The following BLOC1S5 variants were observed in gnomAD, a reference collection of about 807,000 sequenced individuals.
BLOC1S5 encodes the protein biogenesis of lysosome-related organelles complex 1 subunit 5.
In BLOC1S5, 27 loss-of-function variants were observed where a neutral mutation model predicts 24.3. That is an observed-to-expected ratio of 1.11 (90% CI 0.82 to 1.53). The LOEUF (loss-of-function observed/expected upper bound fraction) is 1.53. Among genes scored for constraint, BLOC1S5 ranks in the 40% most tolerant of loss-of-function variants. BLOC1S5 has a pLI of 0.00. For missense variants in BLOC1S5, 239 were observed against 229.4 expected, an observed-to-expected ratio of 1.04 and a Z score of -0.27; for synonymous variants, 84 against 74.5, an observed-to-expected ratio of 1.13 and a Z score of -0.66.
At chr6:8,060,355 G>A (rs529071253) in intron 2 of BLOC1S5, among the ~76,000 whole-genome samples, 456 of 152,340 alleles carry the variant, frequency 3.0e-3, no homozygotes, top group Non-Finnish European at 4.8e-3. Flanking sequence ...TGAAAGACAA[G>A]TAGAGGTCAG....
intron 3 of BLOC1S5, among the ~76,000 whole-genome samples, chr6:8,040,285 G>T (rs1003777848): frequency 6.6e-6 from 1 of 151,944 alleles, no homozygotes; most frequent in South Asian, 2.1e-4. Context: ...ACTGGGTTAT[G>T]ATTAAAAAAA....
At chr6:8,056,495 T>C (rs1044683145) in intron 2 of BLOC1S5, among the ~76,000 whole-genome samples, 45 of 152,172 alleles carry the variant, frequency 3.0e-4, no homozygotes, top group Non-Finnish European at 4.7e-4. Context: ...CATAAAACTA[T>C]GCCCCCGCCA....
intron 1 of BLOC1S5, among the ~76,000 whole-genome samples, chr6:8,063,903 C>G (rs1399309971): frequency 6.6e-6 from 1 of 152,224 alleles, no homozygotes; most frequent in Non-Finnish European, 1.5e-5. Context: ...CGAAGTCACT[C>G]AACTCCTAAG....
At chr6:8,056,470 G>C (rs1764309906) in intron 2 of BLOC1S5, among the ~76,000 whole-genome samples, 1 of 151,918 alleles carries the variant, frequency 6.6e-6, no homozygotes, top group African/African-American at 2.4e-5. Context: ...TATTCAAGGG[G>C]GAAAAAAAAC....
At chr6:8,056,369 A>C (rs1314630667) in intron 2 of BLOC1S5, among the ~76,000 whole-genome samples, 2 of 152,114 alleles carry the variant, frequency 1.3e-5, no homozygotes, top group Admixed American at 1.3e-4. Context: ...GCTGTTGGTG[A>C]CTTGGCCATT....
intron 4 of BLOC1S5, among the ~76,000 whole-genome samples, chr6:8,020,580 T>A (rs1762884678): frequency 6.6e-6 from 1 of 152,318 alleles, no homozygotes; most frequent in South Asian, 2.1e-4. Flanking sequence ...GTCACTCAAC[T>A]TCATTTGCTG....
At chr6:8,045,989 C>T (rs987105278) in intron 2 of BLOC1S5, among the ~76,000 whole-genome samples, 11 of 152,194 alleles carry the variant, frequency 7.2e-5, no homozygotes, top group African/African-American at 2.2e-4. Context: ...AATGTGAGGA[C>T]GTGAGATTTG....
intron 3 of BLOC1S5, among the ~76,000 whole-genome samples, chr6:8,032,023 A>G (rs1763316319): frequency 6.6e-6 from 1 of 152,232 alleles, no homozygotes; most frequent in Non-Finnish European, 1.5e-5. Context: ...GTTCTAGAAG[A>G]TGACATTGGA....
chr6:8,063,268 T>C (rs540276451), intron 1 of BLOC1S5, among the ~76,000 whole-genome samples: 1 of 152,292 alleles, frequency 6.6e-6, no homozygotes, highest in East Asian at 1.9e-4. Flanking sequence ...GTGGGGCTTT[T>C]AGTAATTTAT....
At chr6:8,025,184 GT>G in intron 4 of BLOC1S5, among the ~76,000 whole-genome samples, 1 of 152,350 alleles carries the variant, frequency 6.6e-6, no homozygotes, top group African/African-American at 2.4e-5. Context: ...TATAGTGTTA[GT>G]GCTTTGGGAC....
chr6:8,053,565 CT>C (rs1250257474), intron 2 of BLOC1S5, among the ~76,000 whole-genome samples: 1 of 152,160 alleles, frequency 6.6e-6, no homozygotes, highest in Admixed American at 6.5e-5. Context: ...CTACTGCAAA[CT>C]TAATAGACTA....
At chr6:8,051,409 G>C (rs1347372198) in intron 2 of BLOC1S5, among the ~76,000 whole-genome samples, 1 of 152,218 alleles carries the variant, frequency 6.6e-6, no homozygotes, top group East Asian at 1.9e-4. Flanking sequence ...AGCCAAGCCA[G>C]CAGAGGTTGG....
chr6:8,053,839 CT>C (rs1764218812), intron 2 of BLOC1S5, among the ~76,000 whole-genome samples: 1 of 152,140 alleles, frequency 6.6e-6, no homozygotes, highest in South Asian at 2.1e-4. Context: ...TTTGTTCTCT[CT>C]TTTTGGTGTA....
intron 1 of BLOC1S5, among the ~76,000 whole-genome samples, chr6:8,062,900 T>C (rs1162876456): frequency 6.6e-6 from 1 of 152,190 alleles, no homozygotes; most frequent in Non-Finnish European, 1.5e-5. Context: ...AGGCCATTTA[T>C]ACATATTTAT....
At chr6:8,043,372 T>C (rs114725838) in intron 2 of BLOC1S5, among the ~76,000 whole-genome samples, 370 of 152,286 alleles carry the variant, frequency 2.4e-3, no homozygotes, top group African/African-American at 8.2e-3. Flanking sequence ...GGTATCGTGT[T>C]GATAGCATGC....
intron 2 of BLOC1S5, among the ~76,000 whole-genome samples, chr6:8,058,649 C>T (rs1764408720): frequency 6.6e-6 from 1 of 152,134 alleles, no homozygotes; most frequent in African/African-American, 2.4e-5. Flanking sequence ...ATGATCGTGC[C>T]ACTGCACTCC....
rs767470314 is a variant in BLOC1S5 at position 8,015,627 on chromosome 6, G to T, written c.*22C>A. 1 of 1,602,016 alleles carries T rather than the reference G, an allele frequency of 6.2e-7. No homozygotes were observed. The highest frequency in any genetic ancestry group is 1.1e-5 in the South Asian group (1 of 88,782). ...GAGGTGAACATCTTCTCATTAGTTT[G>T]TGATTGTTGTGGTTCAAGTTCTTAA... On this transcript the variant is annotated 3_prime_UTR_variant, in exon 5 of 5. Transcript: ENST00000397457.
chr6:8,029,129 C>A (rs1313837338), intron 3 of BLOC1S5, among the ~76,000 whole-genome samples: 22 of 151,786 alleles, frequency 1.4e-4, no homozygotes, highest in African/African-American at 5.4e-4. Flanking sequence ...CTCAAATACA[C>A]ACGTAAGAAA....
chr6:8,035,684 G>A (rs1359277526), intron 3 of BLOC1S5, among the ~76,000 whole-genome samples: 1 of 152,146 alleles, frequency 6.6e-6, no homozygotes. Context: ...CAGCAAGAGG[G>A]TTGTAACAAT....
Sources: gnomAD v4.1 joint callset for allele counts (sites outside exome capture counted in the v4.1 genomes callset) on GRCh38, gnomAD v4.1.1 for gene constraint, MANE v1.5 for transcripts, NCBI Gene and HGNC (gene_info 2026-07-23, HGNC 2026-07-21) for gene names.